Variants in COL5A3 observed in about 807,000 individuals in gnomAD.
COL5A3 encodes the protein collagen alpha-3(V) chain.
Under a neutral mutation model 250.0 loss-of-function variants are expected in COL5A3, and 172 were observed. The ratio of observed to expected loss-of-function variants is 0.69; its 90% CI spans 0.61 to 0.78. The LOEUF is 0.78. COL5A3 is among the 30% of genes least tolerant of loss of function. COL5A3 has a pLI of 0.00. For synonymous variants in COL5A3, 937 were observed against 900.4 expected (o/e 1.04, Z -0.73); for missense variants, 2,340 against 2,334.4 (o/e 1.00, Z -0.05).
chr19:9,986,360 C>T lies in COL5A3; in HGVS notation c.2307G>A (p.Ala769=), dbSNP rs749015975. The T allele has an allele frequency of 3.9e-5, 63 of 1,602,026 alleles. No individual in the cohort carries two copies. Among genetic ancestry groups the T allele is most frequent in the East Asian group, 1.3e-4 (6 of 44,870 alleles). ...EDGPEGPKGQ[A]GQAGEEGPPG... The stretch of plus-strand genomic sequence containing the variant: ...GGGGCCCCTCCTCGCCAGCCTGCCC[C>T]GCCTGCCCCTTCGGCCCCTCAGGAC... The change falls in exon 30 of 67, where the codon GCG becomes GCA. Residue 769 remains alanine, a synonymous_variant. Coordinates refer to ENST00000264828, the MANE Select transcript of COL5A3 (RefSeq NM_015719.4).
chr19:9,993,329 G>A (rs773066847), intron 19 of COL5A3, 51 bp downstream of exon 19: 78 of 1,587,230 alleles, frequency 4.9e-5, no homozygotes, highest in Non-Finnish European at 6.7e-5. Flanking sequence ...TTCTCACTCA[G>A]GCTTCCAAAC....
intron 37 of COL5A3, 103 bp downstream of exon 37, chr19:9,979,736 A>T: frequency 8.9e-7 from 1 of 1,125,118 alleles, no homozygotes; most frequent in Non-Finnish European, 1.3e-6. Context: ...CAGTGAGCCG[A>T]GATTGCCCCA....
Position 9,977,272 on chromosome 19 carries a change from C to T in COL5A3, c.3245G>A (p.Gly1082Asp), listed in dbSNP as rs757906930. Residue 1082 changes from glycine (G) to aspartate (D), a missense_variant, in exon 44 of 67, where the codon GGT becomes GAT. By Grantham distance (94) the Gly-to-Asp change is moderately conservative (BLOSUM62 -1). Transcript: ENST00000264828. Reference protein sequence around the residue: ...SGEEGDKGDVGAPGHKGSKGD... With the variant: ...SGEEGDKGDVDAPGHKGSKGD... ...TTTACTCCCCTTGTGTCCGGGGGCA[C>T]CCACATCCCCCTGCAGAGGAAATGG... 40 of 1,614,012 alleles carry T rather than the reference C, an allele frequency of 2.5e-5. No homozygotes were observed. The highest frequency in any genetic ancestry group is 1.6e-5 in the Non-Finnish European group (19 of 1,180,006).
chr19:9,979,468 A>G (rs1655348106), intron 37 of COL5A3, 51 bp from the exon 38 acceptor site: 1 of 1,589,602 alleles, frequency 6.3e-7, no homozygotes, highest in African/African-American at 1.3e-5. Flanking sequence ...GAAGGGATGG[A>G]GGAGCAGGAG....
chr19:9,963,805 G>C (rs1043282528), intron 64 of COL5A3, among the ~76,000 whole-genome samples: 7 of 152,134 alleles, frequency 4.6e-5, no homozygotes, highest in African/African-American at 1.7e-4. Flanking sequence ...GGAAGTCCAA[G>C]CTTGTCTAAA....
chr19:9,980,724 G>C lies in COL5A3; in HGVS notation c.2560-32C>G, dbSNP rs773159579. On this transcript the variant is annotated intron_variant, in intron 34 of 66. Transcript: ENST00000264828. ...CAGAGTGAATGAGACTCAGGCCCCA[G>C]AACAAACTCAACTGGGAAGAATTTG... The C allele has an allele frequency of 3.7e-6, 6 of 1,614,112 alleles. No homozygotes were observed. The South Asian group carries it at 6.6e-5, about 18-fold the overall frequency.
At position 9,980,866 on chromosome 19, in the gene COL5A3, A is replaced by C. The variant is rs2086999549; in HGVS notation, c.2506-7T>G. The C allele has an allele frequency of 7.4e-7, 1 of 1,360,114 alleles. No homozygotes were observed. Among genetic ancestry groups the C allele is most frequent in the African/African-American group, 1.5e-5 (1 of 67,632 alleles). The allele number at this position is 1,360,114 out of a possible 1,614,324, so 84.3% of individuals were successfully genotyped here. ...CCCTCTCTCCACGGGAACCCTGAAC[A>C]AAAAAAAAAGGCAAAGATCAGATAT... is the stretch of plus-strand genomic sequence containing the variant. On this transcript the variant is annotated splice_polypyrimidine_tract_variant and splice_region_variant and intron_variant, in intron 33 of 66. Coordinates refer to ENST00000264828, the MANE Select transcript of COL5A3 (RefSeq NM_015719.4).
intron 45 of COL5A3, among the ~76,000 whole-genome samples, chr19:9,976,310 G>T (rs1398946312): frequency 6.6e-6 from 1 of 151,614 alleles, no homozygotes; most frequent in African/African-American, 2.4e-5. Context: ...GGGAAGACAT[G>T]GTTGGGTTGG....
At chr19:9,996,832 G>C (rs960104598) in intron 11 of COL5A3, 143 bp from the exon 12 acceptor site, 1 of 634,276 alleles carries the variant, frequency 1.6e-6, no homozygotes, top group African/African-American at 1.9e-5. Context: ...AGGGATCATG[G>C]CAAGGAAAGA....
chr19:9,998,861 T>C (rs2087310318), intron 8 of COL5A3, among the ~76,000 whole-genome samples: 1 of 151,962 alleles, frequency 6.6e-6, no homozygotes. Context: ...ATTTTTGTAT[T>C]TTTAGTAGAG....
At chr19:9,971,054 GA>G in intron 52 of COL5A3, 26 bp from the exon 53 acceptor site, 1 of 1,494,114 alleles carries the variant, frequency 6.7e-7, no homozygotes, top group Middle Eastern at 1.8e-4. Flanking sequence ...ACAGAGTTGG[GA>G]GGGGTGATGA....
Position 9,980,811 on chromosome 19 carries a change from G to A in COL5A3, c.2554C>T (p.Pro852Ser), listed in dbSNP as rs146610212. 2 of 1,612,806 alleles carry A rather than the reference G, an allele frequency of 1.2e-6. No homozygotes were observed. The highest frequency in any genetic ancestry group is 1.3e-5 in the African/African-American group (1 of 74,850). The change falls in exon 34 of 67, where the codon CCC becomes TCC. Residue 852 changes from proline to serine, a missense_variant. Physicochemically the swap from Pro to Ser is moderately conservative, Grantham distance 74. Coordinates refer to ENST00000264828, the MANE Select transcript of COL5A3 (RefSeq NM_015719.4). ...GQPGATGQPG[P>S]KGDVGQDGAP... is the part of the protein sequence containing the mutation. ...ATTGCCCACCCATCCCATACCTTGGGGCCTGGTTGCCCTGTGGCACCCGGT... is the reference window on the plus strand; with the variant it reads ...ATTGCCCACCCATCCCATACCTTGGAGCCTGGTTGCCCTGTGGCACCCGGT...
chr19:10,008,121 T>C (rs1274242384), intron 1 of COL5A3, among the ~76,000 whole-genome samples: 3 of 152,014 alleles, frequency 2.0e-5, no homozygotes, highest in Admixed American at 6.6e-5. Flanking sequence ...CAAGAGTCAC[T>C]TCCCCACGGA....
At position 10,005,958 on chromosome 19, in the gene COL5A3, A is replaced by C. The variant is rs746221319; in HGVS notation, c.275T>G (p.Leu92Trp). 2.9e-5 allele frequency: 47 copies of C among 1,613,852 alleles called. No individual in the cohort carries two copies. Among genetic ancestry groups the C allele is most frequent in the Non-Finnish European group, 3.8e-5 (45 of 1,179,906 alleles). The stretch of plus-strand genomic sequence containing the variant: ...TGGCTGTCCCCGCAAGGTGATCAGC[A>C]AGGAGAAGTTCTCAGGAAAGTGGCC... ...PEGHFPENFS[L>W]LITLRGQPAN... The change falls in exon 3 of 67, where the codon TTG becomes TGG. Residue 92 changes from leucine (L) to tryptophan (W), a missense_variant. Coordinates refer to ENST00000264828, the MANE Select transcript of COL5A3 (RefSeq NM_015719.4).
intron 13 of COL5A3, 54 bp from the exon 14 acceptor site, chr19:9,996,316 C>A: frequency 6.5e-7 from 1 of 1,546,662 alleles, no homozygotes; most frequent in Non-Finnish European, 8.7e-7. Flanking sequence ...CCCCAACATT[C>A]CCCACAGAGG....
rs757707194 is a variant in COL5A3, at chr19:9,973,629, G to A, written c.3613-6C>T. The A allele has an allele frequency of 2.5e-5, 40 of 1,612,536 alleles. 1 individual carries two copies. Among genetic ancestry groups the A allele is most frequent in the Non-Finnish European group, 3.0e-5 (35 of 1,179,210 alleles). On this transcript the variant is annotated splice_polypyrimidine_tract_variant and splice_region_variant and intron_variant, in intron 49 of 66. Coordinates refer to ENST00000264828, the MANE Select transcript of COL5A3 (RefSeq NM_015719.4). ...CCAGCGTCCCCTCGCTCACCCTGCA[G>A]GAGGCAAAGTGAGAGTGGGGAGAGG...
intron 64 of COL5A3, 104 bp from the exon 65 acceptor site, chr19:9,962,991 G>A (rs2086693189): frequency 2.4e-6 from 2 of 838,546 alleles, no homozygotes; most frequent in Non-Finnish European, 3.8e-6. Context: ...ACTATGTCAG[G>A]ATGTTCTCTG....
Position 9,980,027 on chromosome 19 carries a change from G to C in COL5A3, c.2625C>G (p.Gly875=), listed in dbSNP as rs1361978575. The part of the protein sequence containing the change: ...PGEKGLPGLQ[G]PPGFPGPKGP... ...CCTTTGGCCCAGGGAATCCTGGAGG[G>C]CCTTGCAGACCAGGGAGGCCCTGAA... Residue 875 remains glycine, a synonymous_variant, in exon 36 of 67, where the codon GGC becomes GGG. Transcript: ENST00000264828. 6.3e-7 allele frequency: 1 copy of C among 1,594,002 alleles called. No individual in the cohort carries two copies. The highest frequency in any genetic ancestry group is 8.5e-7 in the Non-Finnish European group (1 of 1,174,992).
rs1599520174 is a variant in COL5A3, at chr19:9,960,326, C to T, written c.*85G>A. The T allele has an allele frequency of 3.9e-6, 6 of 1,544,286 alleles. No individual in the cohort carries two copies. Among genetic ancestry groups the T allele is most frequent in the South Asian group, 2.3e-5 (2 of 87,844 alleles). ...CCATTGGCTCCATAGTCACAGGTAA[C>T]GAAAAATACGGTGGCTTCAAAGCCT... On this transcript the variant is annotated 3_prime_UTR_variant, in exon 67 of 67. Transcript: ENST00000264828.
Sources: gnomAD v4.1 joint callset for allele counts (sites outside exome capture counted in the v4.1 genomes callset) on GRCh38, gnomAD v4.1.1 for gene constraint, MANE v1.5 for transcripts, NCBI Gene and HGNC (gene_info 2026-07-23, HGNC 2026-07-21) for gene names.